The following MYH3 variants were observed in gnomAD, a reference collection of about 807,000 sequenced individuals.
MYH3 encodes the protein myosin-3.
In MYH3, 130 loss-of-function variants were observed where a neutral mutation model predicts 238.0. That is an observed-to-expected ratio of 0.55 (90% CI 0.47 to 0.63). The LOEUF is 0.63. Among genes scored for constraint, MYH3 ranks in the 30% least tolerant of loss-of-function variants. The pLI, the probability that MYH3 is intolerant of heterozygous loss-of-function variation, is 0.00. For synonymous variants in MYH3, 880 were observed against 924.1 expected, an observed-to-expected ratio of 0.95 and a Z score of 0.86; for missense variants, 1,853 against 2,374.9, an observed-to-expected ratio of 0.78 and a Z score of 4.57.
Position 10,638,443 on chromosome 17 carries a change from C to T in MYH3, c.3340-11G>A. On this transcript the variant is annotated splice_polypyrimidine_tract_variant and intron_variant, in intron 26 of 40. Coordinates refer to ENST00000583535, the MANE Select transcript of MYH3 (RefSeq NM_002470.4). Reference sequence around the variant, plus strand: ...CTCCTCAATTCGAGCCTGTGGAGGGCAGCCGTTCACCCCGTGGGCAGTGGG... The same window carrying T: ...CTCCTCAATTCGAGCCTGTGGAGGGTAGCCGTTCACCCCGTGGGCAGTGGG... The T allele has an allele frequency of 6.3e-7, 1 of 1,599,728 alleles. No individual in the cohort carries two copies. The highest frequency in any genetic ancestry group is 8.5e-7 in the Non-Finnish European group (1 of 1,179,942).
chr17:10,672,320 G>C, the MYH3 span, among the ~76,000 whole-genome samples: 1 of 151,918 alleles, frequency 6.6e-6, no homozygotes, highest in African/African-American at 2.4e-5. Flanking sequence ...TCTGTTAAAT[G>C]CTACATAAGT....
Position 10,634,967 on chromosome 17 carries a change from G to A in MYH3, c.4229C>T (p.Ala1410Val), listed in dbSNP as rs1379780482. The A allele has an allele frequency of 6.2e-7, 1 of 1,614,040 alleles. No homozygotes were observed. The highest frequency in any genetic ancestry group is 1.7e-5 in the Admixed American group (1 of 59,996). Residue 1410 changes from alanine to valine, a missense_variant, in exon 31 of 41, where the codon GCT (alanine) becomes GTT (valine). Transcript: ENST00000583535. ...DSEEQVEAVN[A>V]KCASLEKTKQ... ...GGTCTTCTCCAGTGAAGCACATTTA[G>A]CATTCACTGCCTCAACCTGTTCCTC...
At position 10,635,510 on chromosome 17, in the gene MYH3, C is replaced by G; in HGVS notation, c.4029G>C (p.Leu1343=). Residue 1343 remains leucine, a synonymous_variant, in exon 30 of 41, where the codon CTG becomes CTC. Coordinates refer to ENST00000583535, the MANE Select transcript of MYH3 (RefSeq NM_002470.4). ...GCTCCTCCTCATACTGTTCCCGCAGCAGGTCACAGTCGTGGCGGGAGGACT... is the reference window on the plus strand; with the variant it reads ...GCTCCTCCTCATACTGTTCCCGCAGGAGGTCACAGTCGTGGCGGGAGGACT... ...ALQSSRHDCD[L]LREQYEEEQE... 2 of 1,614,254 alleles carry G rather than the reference C, an allele frequency of 1.2e-6. No individual in the cohort carries two copies. Among genetic ancestry groups the G allele is most frequent in the Non-Finnish European group, 1.7e-6 (2 of 1,180,046 alleles).
upstream of MYH3, among the ~76,000 whole-genome samples, chr17:10,660,670 C>CCTTATTTTT (rs1262164567): frequency 9.4e-6 from 1 of 105,988 alleles, no homozygotes; most frequent in South Asian, 3.4e-4. Context: ...GAGTGAGACT[C>CCTTATTTTT]TGACTCGGAA....
chr17:10,668,398 T>TCTAC, the MYH3 span, among the ~76,000 whole-genome samples: 1 of 152,164 alleles, frequency 6.6e-6, no homozygotes, highest in Admixed American at 6.5e-5. Flanking sequence ...CTTCTATCTA[T>TCTAC]CTACCTACCT....
chr17:10,651,809 T>C lies in MYH3; in HGVS notation c.349-141A>G, dbSNP rs2074378823. The C allele has an allele frequency of 4.9e-6, 6 of 1,224,306 alleles. No homozygotes were observed. In the Admixed American group the frequency reaches 7.6e-5, roughly 15 times the overall value. The allele number at this position is 1,224,306 out of a possible 1,614,324, so 75.8% of individuals were successfully genotyped here. A position where few individuals can be genotyped will look rare whatever the true frequency, so the allele number is the denominator to read the frequency against. ...ACCAGGCTGGAGTGCAGTGGCACGA[T>C]CTTGGCTCACTGCAACCTCCACCTC... On this transcript the variant is annotated intron_variant, in intron 4 of 40. Transcript: ENST00000583535.
Position 10,628,622 on chromosome 17 carries a change from A to C in MYH3, c.*31T>G, listed in dbSNP as rs201532275. ...GGAATCAAGAAAATATACATTTTGC[A>C]TATCTTCTGTCCTGCTCCAGAAGGG... On this transcript the variant is annotated 3_prime_UTR_variant, in exon 41 of 41. Coordinates refer to ENST00000583535, the MANE Select transcript of MYH3 (RefSeq NM_002470.4). 211 of 1,612,600 alleles carry C rather than the reference A, an allele frequency of 1.3e-4. No homozygotes were observed. The highest frequency in any genetic ancestry group is 3.3e-4 in the Middle Eastern group (2 of 6,080).
chr17:10,668,392 T>G, the MYH3 span, among the ~76,000 whole-genome samples: 1 of 152,190 alleles, frequency 6.6e-6, no homozygotes, highest in African/African-American at 2.4e-5. Flanking sequence ...GAGACTCTTC[T>G]ATCTATCTAC....
At chr17:10,667,737 T>C in the MYH3 span, among the ~76,000 whole-genome samples, 5 of 150,998 alleles carry the variant, frequency 3.3e-5, no homozygotes, top group Admixed American at 3.3e-4. Flanking sequence ...TAGGTTAATT[T>C]CCAGGATATA....
At chr17:10,636,334 G>A (rs1407056751) in intron 28 of MYH3, among the ~76,000 whole-genome samples, 1 of 151,154 alleles carries the variant, frequency 6.6e-6, no homozygotes. Flanking sequence ...CTACTGGAAG[G>A]TGGGACTGAT....
the MYH3 span, chr17:10,674,380 C>T: frequency 1.3e-5 from 3 of 223,508 alleles, no homozygotes; most frequent in Middle Eastern, 1.8e-3. Flanking sequence ...GAGCCAAGAT[C>T]GCACCACTGC....
Position 10,639,411 on chromosome 17 carries a change from T to C in MYH3, c.2989A>G (p.Lys997Glu), listed in dbSNP as rs1461228099. ...TGGTGCGCCTCTTGGAGGGCCTTCT[T>C]CTCTCTGGTTAACTTTGCAATTGTT... ...DETIAKLTRE[K>E]KALQEAHQQA... Residue 997 changes from lysine to glutamate, a missense_variant, in exon 24 of 41, where the codon AAG (lysine) becomes GAG (glutamate). Transcript: ENST00000583535. 5 of 1,614,110 alleles carry C rather than the reference T, an allele frequency of 3.1e-6. No individual in the cohort carries two copies. Among genetic ancestry groups the C allele is most frequent in the Non-Finnish European group, 4.2e-6 (5 of 1,179,984 alleles).
At chr17:10,653,979 A>T (rs536387221) in intron 3 of MYH3, among the ~76,000 whole-genome samples, 1 of 151,774 alleles carries the variant, frequency 6.6e-6, no homozygotes, top group East Asian at 1.9e-4. Context: ...TTTTGGGGGG[A>T]CCGAGTCTTG....
Position 10,642,333 on chromosome 17 carries a change from C to T in MYH3, c.1889-23G>A, listed in dbSNP as rs755911317. 3.1e-6 allele frequency: 5 copies of T among 1,613,766 alleles called. No homozygotes were observed. The highest frequency in any genetic ancestry group is 2.2e-5 in the East Asian group (1 of 44,892). On this transcript the variant is annotated intron_variant, in intron 16 of 40. Coordinates refer to ENST00000583535, the MANE Select transcript of MYH3 (RefSeq NM_002470.4). The surrounding 1 kb of genome is among the most constrained non-coding windows in gnomAD (Gnocchi z 5.4). ...CAGCTGAAAGCAATAAGGGAGGGCA[C>T]GTGCTGTAGGTGAATCTAAAAGGTT...
chr17:10,653,642 T>C lies in MYH3; in HGVS notation c.205-1079A>G, dbSNP rs185980157. ...GGCACAGGGGGTGGGGAACTTGTCT[T>C]CCTCTTCCCTGCCCTGTCCTCACCT... On this transcript the variant is annotated intron_variant, in intron 3 of 40. Coordinates refer to ENST00000583535, the MANE Select transcript of MYH3 (RefSeq NM_002470.4). Among the ~76,000 whole-genome samples, 727 of 152,226 alleles carry C rather than the reference T, an allele frequency of 4.8e-3. 8 individuals are homozygous for C. The highest frequency in any genetic ancestry group is 7.2e-3 in the Non-Finnish European group (489 of 67,992).
At chr17:10,646,286 C>T (rs1419051826) in intron 10 of MYH3, among the ~76,000 whole-genome samples, 1 of 152,160 alleles carries the variant, frequency 6.6e-6, no homozygotes, top group Non-Finnish European at 1.5e-5. Flanking sequence ...TTGCCTTGCA[C>T]GCTAATGGTG....
chr17:10,667,680 T>TAAAAAAAAA, the MYH3 span, among the ~76,000 whole-genome samples: 1 of 111,774 alleles, frequency 8.9e-6, no homozygotes. Context: ...AGACTCTGTC[T>TAAAAAAAAA]AAAAAAAAAA....
intron 37 of MYH3, 28 bp from the exon 38 acceptor site, chr17:10,630,224 T>G (rs746138036): frequency 7.4e-6 from 12 of 1,613,982 alleles, no homozygotes; most frequent in Non-Finnish European, 7.6e-6. Context: ...GAAATTAGTC[T>G]GGGGCTGCAG....
upstream of MYH3, among the ~76,000 whole-genome samples, chr17:10,659,707 C>T (rs542042342): frequency 3.9e-5 from 6 of 152,286 alleles, no homozygotes; most frequent in Admixed American, 6.5e-5. Context: ...CCATGCTGAT[C>T]GCGTTCAAAT....
Sources: gnomAD v4.1 joint callset for allele counts (sites outside exome capture counted in the v4.1 genomes callset) on GRCh38, gnomAD v4.1.1 for gene constraint, Gnocchi (gnomAD v3.1) non-coding constraint, MANE v1.5 for transcripts, NCBI Gene and HGNC (gene_info 2026-07-23, HGNC 2026-07-21) for gene names.